Variants in KCNMA1 observed in about 807,000 individuals in gnomAD.
KCNMA1 encodes potassium calcium-activated channel subfamily M alpha 1, also known as Calcium-activated potassium channel subunit alpha-1.
Under a neutral mutation model 140.0 loss-of-function variants are expected in KCNMA1, and 29 were observed. The ratio of observed to expected loss-of-function variants is 0.21; its 90% CI spans 0.15 to 0.28. The LOEUF is 0.28. Ranked by LOEUF, KCNMA1 falls within the 10% of genes least tolerant of loss-of-function variation. The probability of loss-of-function intolerance (pLI) is 1.00; values close to 1 mark genes in which losing one functional copy is unlikely to be tolerated. For missense variants in KCNMA1, 880 were observed against 1,602.2 expected, an observed-to-expected ratio of 0.55 and a Z score of 7.70; for synonymous variants, 612 against 611.9, an observed-to-expected ratio of 1.00 and a Z score of 0.00.
intron 2 of KCNMA1, among the ~76,000 whole-genome samples, chr10:77,360,502 C>T (rs1382117562): frequency 6.6e-6 from 1 of 152,298 alleles, no homozygotes; most frequent in Admixed American, 6.5e-5. Flanking sequence ...AGAGTTGAGT[C>T]TAGCAGAGTC....
intron 16 of KCNMA1, among the ~76,000 whole-genome samples, chr10:77,026,936 T>C (rs2153522311): frequency 6.6e-6 from 1 of 152,290 alleles, no homozygotes; most frequent in East Asian, 1.9e-4. Flanking sequence ...AAGGTGTTTG[T>C]TGGAGGGGAT....
At chr10:77,545,431 A>G (rs922938604) in intron 1 of KCNMA1, among the ~76,000 whole-genome samples, 1 of 152,224 alleles carries the variant, frequency 6.6e-6, no homozygotes, top group African/African-American at 2.4e-5. Flanking sequence ...AATCCTCCAC[A>G]CACGAATCAC....
chr10:77,412,250 T>C (rs1302151784), intron 1 of KCNMA1, among the ~76,000 whole-genome samples: 1 of 152,084 alleles, frequency 6.6e-6, no homozygotes, highest in Admixed American at 6.5e-5. Context: ...TCACAGCCCC[T>C]TTGTCCTCAA....
chr10:77,228,885 C>T (rs998440135), intron 3 of KCNMA1, among the ~76,000 whole-genome samples: 13 of 152,200 alleles, frequency 8.5e-5, no homozygotes, highest in African/African-American at 2.9e-4. Flanking sequence ...GCACTCACTA[C>T]GTGAAAACCT....
At chr10:77,201,920 A>G (rs2042616842) in intron 3 of KCNMA1, among the ~76,000 whole-genome samples, 1 of 152,226 alleles carries the variant, frequency 6.6e-6, no homozygotes, top group Admixed American at 6.5e-5. Context: ...ATAACATACC[A>G]TGCATGCCTA....
At chr10:77,540,460 G>A (rs534986761) in intron 1 of KCNMA1, among the ~76,000 whole-genome samples, 33 of 152,308 alleles carry the variant, frequency 2.2e-4, no homozygotes, top group African/African-American at 7.9e-4. Flanking sequence ...CTTTCACAAT[G>A]TTCATCTTCT....
chr10:77,463,286 C>A (rs944360246), intron 1 of KCNMA1, among the ~76,000 whole-genome samples: 3 of 152,146 alleles, frequency 2.0e-5, no homozygotes, highest in African/African-American at 7.2e-5. Flanking sequence ...AGGTGAAGGG[C>A]TTAGGAGACC....
intron 2 of KCNMA1, among the ~76,000 whole-genome samples, chr10:77,346,680 G>A (rs1412723964): frequency 1.3e-5 from 2 of 152,260 alleles, no homozygotes; most frequent in East Asian, 1.9e-4. Context: ...ACTCATTGGG[G>A]TTGCTGTGTC....
intron 5 of KCNMA1, among the ~76,000 whole-genome samples, chr10:77,165,193 C>T (rs188031477): frequency 1.2e-3 from 181 of 152,198 alleles, no homozygotes; most frequent in Non-Finnish European, 1.8e-3. Flanking sequence ...ACCCACCCAA[C>T]GGTAGTCAAT....
Position 76,909,969 on chromosome 10 carries a change from G to A in KCNMA1, c.3144C>T (p.Ser1048=), listed in dbSNP as rs2227913. 8.7e-5 allele frequency: 140 copies of A among 1,613,570 alleles called. 1 individual carries two copies. Among genetic ancestry groups the A allele is most frequent in the Middle Eastern group, 6.6e-4 (4 of 6,052 alleles). The part of the protein sequence containing the change: ...FAVSVLDSLM[S]ATYFNDNILT... ...AGGAGGGAACAGGATAACTCACCGC[G>A]CTCATGAGTGAGTCCAGGACACTGA... The change falls in exon 25 of 28, where the codon AGC becomes AGT. Residue 1048 remains serine (S), a synonymous_variant. Transcript: ENST00000286628.
intron 1 of KCNMA1, among the ~76,000 whole-genome samples, chr10:77,429,224 C>G (rs571890062): frequency 1.3e-5 from 2 of 152,262 alleles, no homozygotes; most frequent in Admixed American, 6.5e-5. Context: ...CCTAATCCCC[C>G]AAGTGTTAGA....
chr10:77,579,786 G>T (rs1399865700), intron 1 of KCNMA1, among the ~76,000 whole-genome samples: 1 of 152,158 alleles, frequency 6.6e-6, no homozygotes, highest in Non-Finnish European at 1.5e-5. Flanking sequence ...GGTTTAGGTG[G>T]AAGACAGAAG....
chr10:76,893,427 G>A (rs571812076), intron 25 of KCNMA1, among the ~76,000 whole-genome samples: 2 of 152,222 alleles, frequency 1.3e-5, no homozygotes, highest in African/African-American at 4.8e-5. Context: ...TTTTAAACTC[G>A]ATGTGGTAGA....
In KCNMA1 at chr10:77,506,716, G is replaced by A. The variant is rs142376761; in HGVS notation, c.379-102693C>T. Among the ~76,000 whole-genome samples, 610 of 148,538 alleles carry A rather than the reference G, an allele frequency of 4.1e-3. 6 individuals are homozygous for A. The highest frequency in any genetic ancestry group is 5.0e-3 in the Non-Finnish European group (334 of 67,202). On this transcript the variant is annotated intron_variant, in intron 1 of 27. Transcript: ENST00000286628. ...GGAAAGAGAGATGTTCCGAGAGAGAGAGAGAGAGAGTGTGTGTGTGTGTGT... is the reference window on the plus strand; with the variant it reads ...GGAAAGAGAGATGTTCCGAGAGAGAAAGAGAGAGAGTGTGTGTGTGTGTGT...
At chr10:77,228,532 G>C (rs946137059) in intron 3 of KCNMA1, among the ~76,000 whole-genome samples, 1 of 152,200 alleles carries the variant, frequency 6.6e-6, no homozygotes, top group African/African-American at 2.4e-5. Context: ...AGGCTTGCCA[G>C]GGTCCCTGAG....
At chr10:77,232,458 G>C (rs2053930333) in intron 3 of KCNMA1, among the ~76,000 whole-genome samples, 2 of 152,260 alleles carry the variant, frequency 1.3e-5, no homozygotes, top group South Asian at 4.1e-4. Context: ...CCATCCAAAT[G>C]GGTGTAAAGT....
At chr10:77,267,969 T>C (rs899558267) in intron 2 of KCNMA1, among the ~76,000 whole-genome samples, 1 of 152,186 alleles carries the variant, frequency 6.6e-6, no homozygotes, top group African/African-American at 2.4e-5. Context: ...TTCTTGACAG[T>C]AGACCCTGCC....
chr10:77,030,900 G>A (rs1176973991), intron 15 of KCNMA1, among the ~76,000 whole-genome samples: 2 of 152,178 alleles, frequency 1.3e-5, no homozygotes, highest in Non-Finnish European at 1.5e-5. Flanking sequence ...AAAACAAGCT[G>A]TGGCCCACTG....
chr10:76,936,071 T>A (rs547720017), intron 23 of KCNMA1, among the ~76,000 whole-genome samples: 1 of 152,206 alleles, frequency 6.6e-6, no homozygotes, highest in Non-Finnish European at 1.5e-5. Flanking sequence ...TGATGAAATA[T>A]GCTATATAGG....
Sources: gnomAD v4.1 joint callset for allele counts (sites outside exome capture counted in the v4.1 genomes callset) on GRCh38, gnomAD v4.1.1 for gene constraint, MANE v1.5 for transcripts, NCBI Gene and HGNC (gene_info 2026-07-23, HGNC 2026-07-21) for gene names.